Variants in WFDC10B observed in about 807,000 individuals in gnomAD.
WFDC10B encodes protein WFDC10B.
A neutral mutation model predicts 2.7 loss-of-function variants in WFDC10B; 1 was observed. The ratio of observed to expected loss-of-function variants is 0.38; its 90% confidence interval spans 0.13 to 1.79. WFDC10B has a LOEUF of 1.79. Ranked by LOEUF, WFDC10B falls within the 40% of genes most tolerant of loss-of-function variation. The pLI is 0.33. For missense variants in WFDC10B, 71 were observed against 87.8 expected (o/e 0.81, Z 0.76); for synonymous variants, 26 against 32.2 (o/e 0.81, Z 0.65).
At chr20:45,704,719 C>A in intron 1 of WFDC10B, 158 bp from the exon 2 acceptor site, 1 of 1,419,752 alleles carries the variant, frequency 7.0e-7, no homozygotes. Context: ...GGCCATGTTG[C>A]CAACATGCCC....
chr20:45,701,132 T>C (rs1175943869), intron 2 of WFDC10B, among the ~76,000 whole-genome samples: 2 of 152,180 alleles, frequency 1.3e-5, no homozygotes, highest in Non-Finnish European at 2.9e-5. Context: ...AGTTGAGTTA[T>C]TTTCCCCCAG....
Position 45,685,916 on chromosome 20 carries a change from T to C in WFDC10B, c.77A>G (p.Lys26Arg). The change falls in exon 3 of 4, where the codon AAG becomes AGG. Residue 26 changes from lysine to arginine, a missense_variant. By Grantham distance (26) the Lys-to-Arg change is conservative (BLOSUM62 2). Transcript: ENST00000330523. ...CCATCACCTACTCTGCATCCTCATC[T>C]TGTCACGGTATCCTCCCTGGGCCTG... is the stretch of plus-strand genomic sequence containing the variant. ...LLQAQGGYRD[K>R]MRMQRIKVCE... 1 of 1,614,074 alleles carries C rather than the reference T, an allele frequency of 6.2e-7. No individual in the cohort carries two copies. Among genetic ancestry groups the C allele is most frequent in the Non-Finnish European group, 8.5e-7 (1 of 1,180,036 alleles).
intron 1 of WFDC10B, 98 bp from the exon 2 acceptor site, chr20:45,704,659 C>T (rs1335858870): frequency 6.3e-7 from 1 of 1,577,214 alleles, no homozygotes. Context: ...CAGAAGAGTC[C>T]CTTACCAGCA....
At chr20:45,688,747 T>C (rs563044315) in intron 2 of WFDC10B, among the ~76,000 whole-genome samples, 1 of 152,204 alleles carries the variant, frequency 6.6e-6, no homozygotes, top group Non-Finnish European at 1.5e-5. Context: ...TATTAGCCCT[T>C]TGTCAGATGA....
At chr20:45,693,799 G>A (rs576824238) in intron 2 of WFDC10B, among the ~76,000 whole-genome samples, 7 of 152,204 alleles carry the variant, frequency 4.6e-5, no homozygotes, top group African/African-American at 1.2e-4. Context: ...GCAATGCCTC[G>A]CACTGCTTCG....
At chr20:45,689,509 T>C (rs1260765052) in intron 2 of WFDC10B, among the ~76,000 whole-genome samples, 1 of 152,176 alleles carries the variant, frequency 6.6e-6, no homozygotes, top group Non-Finnish European at 1.5e-5. Context: ...TATCCTCTTT[T>C]ATTTCATTGA....
chr20:45,693,039 T>A (rs571311700), intron 2 of WFDC10B, among the ~76,000 whole-genome samples: 1 of 152,202 alleles, frequency 6.6e-6, no homozygotes, highest in South Asian at 2.1e-4. Context: ...TAGTTTTCCT[T>A]CTAACAGACA....
At chr20:45,703,628 A>G (rs1678811018) in intron 2 of WFDC10B, among the ~76,000 whole-genome samples, 1 of 152,274 alleles carries the variant, frequency 6.6e-6, no homozygotes, top group East Asian at 1.9e-4. Flanking sequence ...TTTAGAGTCC[A>G]GGAATAGAAA....
At chr20:45,692,383 G>A (rs550745151) in intron 2 of WFDC10B, among the ~76,000 whole-genome samples, 303 of 152,142 alleles carry the variant, frequency 2.0e-3, no homozygotes, top group African/African-American at 6.9e-3. Context: ...ATGTTGGCCT[G>A]CCTTGCTAGA....
chr20:45,698,305 G>T (rs1358054605), intron 2 of WFDC10B, among the ~76,000 whole-genome samples: 4 of 152,028 alleles, frequency 2.6e-5, no homozygotes, highest in Admixed American at 6.5e-5. Flanking sequence ...ATAAGCCAAT[G>T]ATTTAAATAT....
intron 1 of WFDC10B, 101 bp downstream of exon 1, chr20:45,704,817 C>G (rs151324117): frequency 1.5e-6 from 2 of 1,367,476 alleles, no homozygotes; most frequent in African/African-American, 1.4e-5. Flanking sequence ...TCACCATATC[C>G]GTGAATTTCT....
Position 45,684,706 on chromosome 20 carries a change from GA to G in WFDC10B, c.*123del. The G allele has an allele frequency of 7.6e-7, 1 of 1,319,100 alleles. No individual in the cohort carries two copies. Among genetic ancestry groups the G allele is most frequent in the Non-Finnish European group, 1.1e-6 (1 of 951,446 alleles). 81.7% of individuals were successfully genotyped at this position (1,319,100 alleles called of 1,614,324 possible). ...AGGGACAGGGAGTTCAGACACTGGG[GA>G]GGGTGGCATTCCTGTTGATGTTCTT... On this transcript the variant is annotated 3_prime_UTR_variant, in exon 4 of 4. Transcript: ENST00000330523.
At chr20:45,698,314 A>G (rs1984040116) in intron 2 of WFDC10B, among the ~76,000 whole-genome samples, 1 of 152,232 alleles carries the variant, frequency 6.6e-6, no homozygotes. Flanking sequence ...TGATTTAAAT[A>G]TAAAAGCTAC....
chr20:45,699,275 A>G (rs1370713097), intron 2 of WFDC10B, among the ~76,000 whole-genome samples: 1 of 152,218 alleles, frequency 6.6e-6, no homozygotes, highest in Non-Finnish European at 1.5e-5. Flanking sequence ...TTCTACTCCC[A>G]AATATTTACC....
chr20:45,692,992 G>C (rs6017650), intron 2 of WFDC10B, among the ~76,000 whole-genome samples: 38,914 of 151,964 alleles, frequency 0.26, 5,810 homozygotes, highest in East Asian at 0.55. Flanking sequence ...TGGTAATGTA[G>C]AGATGGGTTT....
intron 2 of WFDC10B, among the ~76,000 whole-genome samples, chr20:45,699,003 GA>G (rs1371468937): frequency 6.6e-6 from 1 of 150,688 alleles, no homozygotes; most frequent in African/African-American, 2.4e-5. Context: ...GAAGGAGGGG[GA>G]GGGGGAAGAA....
In WFDC10B at chr20:45,693,188, G is replaced by A. The variant is rs111885195; in HGVS notation, c.-64-7132C>T. ...CTACTGTCTGATCGTTCCTCTGGAA[G>A]TTTTGTCTCAGAGGAGTACCCAGCT... On this transcript the variant is annotated intron_variant, in intron 2 of 3. Coordinates refer to ENST00000330523, the MANE Select transcript of WFDC10B (RefSeq NM_172006.2). Among the ~76,000 whole-genome samples, 23 of 152,328 alleles carry A rather than the reference G, an allele frequency of 1.5e-4. 1 individual carries two copies. Among genetic ancestry groups the A allele is most frequent in the African/African-American group, 5.5e-4 (23 of 41,566 alleles).
At position 45,689,561 on chromosome 20, in the gene WFDC10B, C is replaced by A. The variant is rs1279796186; in HGVS notation, c.-64-3505G>T. The stretch of plus-strand genomic sequence containing the variant: ...CTCCTTGAAGAGGTCCTTCACGTCC[C>A]TTTTAAGTTGGATTCCTAGGTATTT... On this transcript the variant is annotated intron_variant, in intron 2 of 3. Coordinates refer to ENST00000330523, the MANE Select transcript of WFDC10B (RefSeq NM_172006.2). Among the ~76,000 whole-genome samples, 8 of 152,220 alleles carry A rather than the reference C, an allele frequency of 5.3e-5. No individual in the cohort carries two copies. The East Asian group carries it at 7.7e-4, about 15-fold the overall frequency.
chr20:45,700,082 A>T (rs1258041697), intron 2 of WFDC10B, among the ~76,000 whole-genome samples: 1 of 152,240 alleles, frequency 6.6e-6, no homozygotes, highest in East Asian at 1.9e-4. Context: ...AGCATTATTT[A>T]TAATAGCAAA....
Sources: allele counts gnomAD v4.1 joint callset (sites outside exome capture counted in the v4.1 genomes callset), GRCh38; gene constraint gnomAD v4.1.1; transcripts MANE v1.5; gene names NCBI Gene and HGNC (gene_info 2026-07-23, HGNC 2026-07-21).